The following CDAN1 variants were observed in gnomAD, a reference collection of about 807,000 sequenced individuals.
CDAN1 encodes codanin 1, also known as codanin-1.
Under a neutral mutation model 139.8 loss-of-function variants are expected in CDAN1, and 107 were observed. The observed-to-expected ratio is 0.77, with a 90% CI of 0.65 to 0.90. The LOEUF is 0.90. Ranked by LOEUF, CDAN1 falls within the 40% of genes least tolerant of loss-of-function variation. The probability of loss-of-function intolerance (pLI) is 0.00; values close to 1 mark genes in which losing one functional copy is unlikely to be tolerated. For synonymous variants in CDAN1, 776 were observed against 660.6 expected (o/e 1.17, Z -2.68); for missense variants, 1,667 against 1,575.7 (o/e 1.06, Z -0.98).
At chr15:42,726,282 C>G in intron 24 of CDAN1, 28 bp downstream of exon 24, 1 of 1,587,834 alleles carries the variant, frequency 6.3e-7, no homozygotes, top group Non-Finnish European at 8.6e-7. Context: ...CAGAAAAAAG[C>G]CCCCCGGTGG....
In CDAN1 at chr15:42,736,407, C is replaced by T. The variant is rs1300016930; in HGVS notation, c.464G>A (p.Gly155Asp). The change falls in exon 2 of 28, where the codon GGC becomes GAC. Residue 155 changes from glycine to aspartate, a missense_variant. Physicochemically the swap from Gly to Asp is moderately conservative, Grantham distance 94. Coordinates refer to ENST00000356231, the MANE Select transcript of CDAN1 (RefSeq NM_138477.4). Reference protein sequence around the residue: ...LPGAGGRRLRGSGSPSRPSLT... With the variant: ...LPGAGGRRLRDSGSPSRPSLT... ...GCTGGGGCGGCTGGGGCTGCCAGAG[C>T]CCCTAAGCCTCCGGCCCCCGGCTCC... 1.2e-6 allele frequency: 2 copies of T among 1,609,984 alleles called. No individual in the cohort carries two copies.
chr15:42,732,548 G>T lies in CDAN1; in HGVS notation c.1458-140C>A, dbSNP rs1263111314. The T allele has an allele frequency of 4.0e-6, 3 of 747,872 alleles. No homozygotes were observed. In the African/African-American group the frequency reaches 5.2e-5, roughly 13 times the overall value. The allele number at this position is 747,872 out of a possible 1,614,324, so 46.3% of individuals were successfully genotyped here. A position where few individuals can be genotyped will look rare whatever the true frequency, so the allele number is the denominator to read the frequency against. The stretch of plus-strand genomic sequence containing the variant: ...CTCAGCCAGAGCCAGCCTGCAAAGG[G>T]ACACTGAAGGCAAGGGACACTCCCT... On this transcript the variant is annotated intron_variant, in intron 9 of 27. Transcript: ENST00000356231.
At chr15:42,729,506 G>A in intron 17 of CDAN1, 62 bp downstream of exon 17, 1 of 1,607,722 alleles carries the variant, frequency 6.2e-7, no homozygotes, top group Non-Finnish European at 8.5e-7. Context: ...GGCCAAGGGG[G>A]TGCCTTTTGG....
intron 27 of CDAN1, chr15:42,724,856 C>G (rs1414595610): frequency 1.6e-6 from 1 of 606,768 alleles, no homozygotes; most frequent in East Asian, 2.8e-5. Flanking sequence ...CTGAGTGCAT[C>G]TACTTCATCT....
chr15:42,730,450 G>A (rs1327770396), intron 14 of CDAN1, 148 bp downstream of exon 14: 8 of 977,498 alleles, frequency 8.2e-6, no homozygotes, highest in African/African-American at 1.6e-5. Flanking sequence ...TACCTCAGGG[G>A]AGCCAATCGT....
chr15:42,732,748 A>ACC (rs1321914207), intron 9 of CDAN1, among the ~76,000 whole-genome samples: 1 of 152,170 alleles, frequency 6.6e-6, no homozygotes, highest in Non-Finnish European at 1.5e-5. Context: ...CTGCACAGTG[A>ACC]CCAGACTTGC....
At position 42,734,006 on chromosome 15, in the gene CDAN1, A is replaced by G; in HGVS notation, c.1299T>C (p.Phe433=). 1 of 1,614,176 alleles carries G rather than the reference A, an allele frequency of 6.2e-7. No homozygotes were observed. The highest frequency in any genetic ancestry group is 8.5e-7 in the Non-Finnish European group (1 of 1,179,988). The stretch of plus-strand genomic sequence containing the variant: ...TGGCACGATTGTCAGTCTCTGGCTG[A>G]AAGGAGACAGCTTGAGTAGAGGGAG... The part of the protein sequence containing the change: ...VMPPSTQAVS[F]QPETDNRANF... Residue 433 remains phenylalanine (F), a synonymous_variant, in exon 8 of 28, where the codon TTT becomes TTC. Coordinates refer to ENST00000356231, the MANE Select transcript of CDAN1 (RefSeq NM_138477.4).
At chr15:42,731,946 G>C in intron 10 of CDAN1, 121 bp from the exon 11 acceptor site, 1 of 911,740 alleles carries the variant, frequency 1.1e-6, no homozygotes, top group Non-Finnish European at 1.7e-6. Context: ...AAGTGCTTTA[G>C]ATAGATTTTC....
rs569326935 is a variant in CDAN1 at position 42,731,643 on chromosome 15, C to T, written c.1716G>A (p.Arg572=). The T allele has an allele frequency of 1.1e-5, 18 of 1,614,120 alleles. No homozygotes were observed. Among genetic ancestry groups the T allele is most frequent in the African/African-American group, 1.3e-5 (1 of 75,064 alleles). Residue 572 remains arginine, a synonymous_variant, in exon 11 of 28, where the codon AGG becomes AGA. Coordinates refer to ENST00000356231, the MANE Select transcript of CDAN1 (RefSeq NM_138477.4). Reference sequence around the variant, plus strand: ...ACCTGCTGGCACTAAGGATGAAGTCCCTAAAGAAGCCTTGACAGCCTGGGA... The same window carrying T: ...ACCTGCTGGCACTAAGGATGAAGTCTCTAAAGAAGCCTTGACAGCCTGGGA... ...PTFPGCQGFF[R]DFILSASSFQ...
At chr15:42,734,463 T>C (rs1827678011) in intron 6 of CDAN1, 117 bp from the exon 7 acceptor site, 3 of 1,270,800 alleles carry the variant, frequency 2.4e-6, no homozygotes, top group Non-Finnish European at 3.4e-6. Flanking sequence ...AGCCCAGATA[T>C]GTACTGCAAG....
Position 42,736,729 on chromosome 15 carries a change from CT to C in CDAN1, c.141del (p.Glu48AsnfsTer7). The C allele has an allele frequency of 6.4e-7, 1 of 1,560,936 alleles. No homozygotes were observed. Among genetic ancestry groups the C allele is most frequent in the Non-Finnish European group, 8.6e-7 (1 of 1,157,492 alleles). ...AAGTTCAACAGGAACGGTACGAATT[CT>C]TTCCGCAGGGCCCGGAGTGAGCTCA... ...AALSSLRALR[K>X]EFVPFLLNFL... On this transcript the variant is annotated frameshift_variant, in exon 2 of 28. Coordinates refer to ENST00000356231, the MANE Select transcript of CDAN1 (RefSeq NM_138477.4). LOFTEE classifies it high-confidence loss of function.
intron 11 of CDAN1, 137 bp downstream of exon 11, chr15:42,731,483 G>T: frequency 1.4e-6 from 2 of 1,398,034 alleles, no homozygotes; most frequent in Non-Finnish European, 1.0e-6. Context: ...AGAATGAGAA[G>T]TGCAATGAAG....
intron 9 of CDAN1, among the ~76,000 whole-genome samples, chr15:42,732,698 TGACTG>T (rs748525784): frequency 1.3e-5 from 2 of 152,090 alleles, no homozygotes; most frequent in Non-Finnish European, 2.9e-5. Flanking sequence ...TGAAGGGAGA[TGACTG>T]GACTGAGGTT....
At chr15:42,729,661 C>T (rs2061582504) in intron 16 of CDAN1, 39 bp from the exon 17 acceptor site, 10 of 1,610,570 alleles carry the variant, frequency 6.2e-6, no homozygotes, top group African/African-American at 1.3e-5. Flanking sequence ...CTGCCCCTCC[C>T]CCAGCGCACC....
rs2061608997 is a variant in CDAN1, at chr15:42,731,325, C to A, written c.1746G>T (p.Gln582His). 6.2e-7 allele frequency: 1 copy of A among 1,613,764 alleles called. No homozygotes were observed. Among genetic ancestry groups the A allele is most frequent in the Non-Finnish European group, 8.5e-7 (1 of 1,180,040 alleles). ...GACTGTCCATGAGATGCTGGTTAAA[C>A]TGGAAGCTGAGAAGAAGGGGTGGGT... ...RDFILSASSF[Q>H]FNQHLMDSLS... The change falls in exon 12 of 28, where the codon CAG becomes CAT. Residue 582 changes from glutamine to histidine, a missense_variant. Around this residue, in one of 3 missense-constraint regions of CDAN1, gnomAD observed 936 missense variants for 844.1 expected, o/e 1.11. Transcript: ENST00000356231.
At chr15:42,727,563 A>C in intron 23 of CDAN1, 58 bp downstream of exon 23, 2 of 1,439,680 alleles carry the variant, frequency 1.4e-6, no homozygotes, top group Non-Finnish European at 1.9e-6. Context: ...AGGAAAAACC[A>C]GGAACAGAGC....
chr15:42,736,340 C>T lies in CDAN1; in HGVS notation c.531G>A (p.Glu177=), dbSNP rs1173232937. The change falls in exon 2 of 28, where the codon GAG becomes GAA. Residue 177 remains glutamate, a synonymous_variant. Transcript: ENST00000356231. ...SDPPNLSNLE[E]FPPVGSVPPG... is the part of the protein sequence containing the mutation. The stretch of plus-strand genomic sequence containing the variant: ...GGGGAACCGAGCCTACGGGAGGGAA[C>T]TCCTCCAGGTTGCTGAGGTTTGGCG... The T allele has an allele frequency of 2.5e-6, 4 of 1,613,842 alleles. No homozygotes were observed. The highest frequency in any genetic ancestry group is 3.4e-6 in the Non-Finnish European group (4 of 1,180,004).
At chr15:42,729,157 TC>T in intron 18 of CDAN1, 31 bp from the exon 19 acceptor site, 1 of 1,613,158 alleles carries the variant, frequency 6.2e-7, no homozygotes, top group Non-Finnish European at 8.5e-7. Flanking sequence ...CAGCAAGGCT[TC>T]CTCCAGCCTC....
chr15:42,735,081 C>G lies in CDAN1; in HGVS notation c.1136+19G>C, dbSNP rs1400472463. The G allele has an allele frequency of 6.3e-7, 1 of 1,592,194 alleles. No homozygotes were observed. The highest frequency in any genetic ancestry group is 2.2e-5 in the East Asian group (1 of 44,742). ...GATGATGAGAATGAGGCCCAAATGC[C>G]TCAGCCAGGGAAACTCACTGAAAGT... On this transcript the variant is annotated intron_variant, in intron 6 of 27. Transcript: ENST00000356231.
Sources: allele counts gnomAD v4.1 joint callset (sites outside exome capture counted in the v4.1 genomes callset), GRCh38; gene constraint gnomAD v4.1.1; regional missense constraint gnomAD v4.1.1; transcripts MANE v1.5; gene names NCBI Gene and HGNC (gene_info 2026-07-23, HGNC 2026-07-21).